Variants in DPH6 observed in about 807,000 individuals in gnomAD.
The protein encoded by DPH6 is diphthamine biosynthesis 6, also known as diphthine--ammonia ligase.
Under a neutral mutation model 38.2 loss-of-function variants are expected in DPH6, and 33 were observed. The ratio of observed to expected loss-of-function variants is 0.86; its 90% confidence interval spans 0.65 to 1.15. DPH6 has a LOEUF of 1.15. Ranked by LOEUF, DPH6 falls within the 50% of genes most tolerant of loss-of-function variation. The pLI is 0.00. For missense variants in DPH6, 325 were observed against 320.0 expected (o/e 1.02, Z -0.12); for synonymous variants, 108 against 103.0 (o/e 1.05, Z -0.30).
intron 3 of DPH6, among the ~76,000 whole-genome samples, chr15:35,230,872 T>A (rs2051512363): frequency 6.6e-6 from 1 of 152,206 alleles, no homozygotes; most frequent in African/African-American, 2.4e-5. Flanking sequence ...TGAGCTGGTA[T>A]CCAAGATACA....
intron 3 of DPH6, among the ~76,000 whole-genome samples, chr15:35,469,373 T>C (rs1323436811): frequency 6.6e-6 from 1 of 152,162 alleles, no homozygotes; most frequent in Non-Finnish European, 1.5e-5. Context: ...AAAGGTTGTA[T>C]AGGAGTAGTG....
chr15:35,200,987 T>TC, the DPH6 span, among the ~76,000 whole-genome samples: 2 of 148,342 alleles, frequency 1.3e-5, no homozygotes, highest in African/African-American at 2.4e-5. Flanking sequence ...ATTTCCCTTT[T>TC]TTTTTTTTTT....
At chr15:35,485,958 G>T (rs1355353611) in intron 3 of DPH6, among the ~76,000 whole-genome samples, 1 of 152,194 alleles carries the variant, frequency 6.6e-6, no homozygotes, top group Non-Finnish European at 1.5e-5. Flanking sequence ...TTAAGTAGTT[G>T]TATTAGTCCA....
At chr15:35,328,299 C>A (rs1393317220), downstream of DPH6, among the ~76,000 whole-genome samples, 2 of 152,200 alleles carry the variant, frequency 1.3e-5, no homozygotes, top group East Asian at 3.9e-4. Context: ...AACCTGGTAA[C>A]CCCTTTGACA....
chr15:35,226,736 G>A (rs991582105), intron 3 of DPH6, among the ~76,000 whole-genome samples: 1 of 152,218 alleles, frequency 6.6e-6, no homozygotes, highest in Non-Finnish European at 1.5e-5. Flanking sequence ...AATGAATACA[G>A]TTAAAATGTT....
chr15:35,250,854 T>C (rs2051669151), intron 3 of DPH6, among the ~76,000 whole-genome samples: 1 of 152,244 alleles, frequency 6.6e-6, no homozygotes, highest in South Asian at 2.1e-4. Context: ...TTCACTATCA[T>C]TCTAACACTG....
At chr15:35,190,609 A>C in the DPH6 span, among the ~76,000 whole-genome samples, 2 of 152,330 alleles carry the variant, frequency 1.3e-5, no homozygotes, top group Admixed American at 1.3e-4. Context: ...GGTGTTTCAG[A>C]ATCTTGCAGC....
chr15:35,196,318 C>A, the DPH6 span, among the ~76,000 whole-genome samples: 2 of 152,102 alleles, frequency 1.3e-5, no homozygotes, highest in Non-Finnish European at 2.9e-5. Flanking sequence ...GGCAACTTGT[C>A]ATTTTTTAAA....
chr15:35,392,288 T>G (rs915140424), intron 6 of DPH6, among the ~76,000 whole-genome samples: 9 of 152,198 alleles, frequency 5.9e-5, no homozygotes, highest in Admixed American at 5.9e-4. Flanking sequence ...TTGAACTGAA[T>G]GGCTAAGGGC....
chr15:35,339,031 G>A (rs2052399036), intron 3 of DPH6, among the ~76,000 whole-genome samples: 1 of 151,894 alleles, frequency 6.6e-6, no homozygotes, highest in Admixed American at 6.6e-5. Flanking sequence ...GGGGCCTGTT[G>A]TGGGGTGGGG....
intron 3 of DPH6, among the ~76,000 whole-genome samples, chr15:35,358,826 G>A (rs556392508): frequency 2.6e-5 from 4 of 152,104 alleles, no homozygotes; most frequent in Non-Finnish European, 5.9e-5. Flanking sequence ...TCTTAGCTTT[G>A]GTGGTTTAAT....
chr15:35,529,678 T>A (rs1221837234), intron 3 of DPH6, among the ~76,000 whole-genome samples: 2 of 152,206 alleles, frequency 1.3e-5, no homozygotes, highest in Non-Finnish European at 2.9e-5. Context: ...CTATGCCTCA[T>A]ACATGTTTTT....
chr15:35,372,227 G>A (rs1160270689), intron 8 of DPH6, 24 bp from the exon 9 acceptor site: 3 of 1,469,558 alleles, frequency 2.0e-6, no homozygotes, highest in East Asian at 2.5e-5. Context: ...GGAAGGAAAG[G>A]GAAGGAAAAT....
chr15:35,505,258 G>C (rs376327880), intron 3 of DPH6, among the ~76,000 whole-genome samples: 2 of 151,902 alleles, frequency 1.3e-5, no homozygotes, highest in East Asian at 3.9e-4. Context: ...GATCTTTAAA[G>C]AAAAATGCAA....
At chr15:35,364,916 C>T (rs2052643965) in intron 3 of DPH6, among the ~76,000 whole-genome samples, 2 of 152,006 alleles carry the variant, frequency 1.3e-5, no homozygotes, top group South Asian at 4.1e-4. Flanking sequence ...TTTTGAGCTT[C>T]TCACTATTTC....
At chr15:35,214,677 A>G (rs932722727), downstream of DPH6, among the ~76,000 whole-genome samples, 3 of 152,046 alleles carry the variant, frequency 2.0e-5, no homozygotes, top group African/African-American at 7.2e-5. Flanking sequence ...GCACGATCTC[A>G]GCTCACTGCA....
At chr15:35,388,798 G>A (rs148698513) in intron 6 of DPH6, among the ~76,000 whole-genome samples, 5,322 of 152,120 alleles carry the variant, frequency 0.035, 102 homozygotes, top group Middle Eastern at 0.058. Context: ...ACCAGCTCCT[G>A]GATTCACTGA....
chr15:35,179,205 A>T, the DPH6 span, among the ~76,000 whole-genome samples: 214 of 67,388 alleles, frequency 3.2e-3, 1 homozygote, highest in Middle Eastern at 7.0e-3. Context: ...CAACTCTGTC[A>T]AAAAAAAAAA....
chr15:35,193,231 C>T, the DPH6 span, among the ~76,000 whole-genome samples: 1 of 151,438 alleles, frequency 6.6e-6, no homozygotes, highest in Non-Finnish European at 1.5e-5. Context: ...TTCAGATTTC[C>T]CCCTTTTAAG....
Sources: gnomAD v4.1 joint callset for allele counts (sites outside exome capture counted in the v4.1 genomes callset) on GRCh38, gnomAD v4.1.1 for gene constraint, MANE v1.5 for transcripts, NCBI Gene and HGNC (gene_info 2026-07-23, HGNC 2026-07-21) for gene names.